Variants in CLBA1 observed in about 807,000 individuals in gnomAD.
CLBA1 encodes uncharacterized protein CLBA1.
Under a neutral mutation model 28.8 loss-of-function variants are expected in CLBA1, and 30 were observed. The ratio of observed to expected loss-of-function variants is 1.04; its 90% CI spans 0.78 to 1.41. The LOEUF (loss-of-function observed/expected upper bound fraction) is 1.41, where lower values mean the gene tolerates loss of function less well. CLBA1 is among the 40% of genes most tolerant of loss of function. The pLI, the probability that CLBA1 is intolerant of heterozygous loss-of-function variation, is 0.00. For synonymous variants in CLBA1, 160 were observed against 152.8 expected, an observed-to-expected ratio of 1.05 and a Z score of -0.35; for missense variants, 451 against 412.3, an observed-to-expected ratio of 1.09 and a Z score of -0.81.
rs1305635920 is a variant in CLBA1, at chr14:104,993,020, A to T, written c.772A>T (p.Ser258Cys). 6.2e-7 allele frequency: 1 copy of T among 1,614,140 alleles called. No individual in the cohort carries two copies. Among genetic ancestry groups the T allele is most frequent in the Admixed American group, 1.7e-5 (1 of 60,026 alleles). The change falls in exon 4 of 5, where the codon AGC (serine) becomes TGC (cysteine). Residue 258 changes from serine (S) to cysteine (C), a missense_variant. Ser to Cys is a moderately radical substitution (Grantham distance 112). Coordinates refer to ENST00000547315, the MANE Select transcript of CLBA1 (RefSeq NM_174891.4). ...AGAGCCTGAAGGACTCCTCACTGTCAGCAGCTTCTGTCTCCAGCATTGCAA... is the reference window on the plus strand; with the variant it reads ...AGAGCCTGAAGGACTCCTCACTGTCTGCAGCTTCTGTCTCCAGCATTGCAA... ...LKEPEGLLTV[S>C]SFCLQHCKAL...
At chr14:104,995,680 G>A (rs1477986495), downstream of CLBA1, among the ~76,000 whole-genome samples, 1 of 152,192 alleles carries the variant, frequency 6.6e-6, no homozygotes, top group African/African-American at 2.4e-5. Context: ...AGTGCGATGT[G>A]CACAGTGATG....
rs1201635753 is a variant in CLBA1, at chr14:104,989,107, A to T, written c.569+19A>T. The T allele has an allele frequency of 1.3e-6, 2 of 1,597,050 alleles. No homozygotes were observed. Among genetic ancestry groups the T allele is most frequent in the Admixed American group, 3.5e-5 (2 of 56,864 alleles). ...AATTGTGGTAATGAACTGAAGAAAT[A>T]TTTCTTACAGCAACTGCTTTTGTAC... On this transcript the variant is annotated intron_variant, in intron 2 of 4. Coordinates refer to ENST00000547315, the MANE Select transcript of CLBA1 (RefSeq NM_174891.4).
intron 1 of CLBA1, 81 bp from the exon 2 acceptor site, chr14:104,988,862 C>A: frequency 7.4e-7 from 1 of 1,352,508 alleles, no homozygotes; most frequent in Middle Eastern, 1.9e-4. Flanking sequence ...TCATTTCTAT[C>A]ACAATTATTT....
Position 104,986,296 on chromosome 14 carries a change from C to T in CLBA1, c.-136C>T. The T allele has an allele frequency of 4.4e-6, 4 of 905,686 alleles. No homozygotes were observed. In the South Asian group the frequency reaches 5.2e-5, roughly 12 times the overall value. 56.1% of individuals were successfully genotyped at this position (905,686 alleles called of 1,614,324 possible). A position where few individuals can be genotyped will look rare whatever the true frequency, so the allele number is the denominator to read the frequency against. ...TTTCCACCGTCAGCCACTGGGCAGC[C>T]CGGGGCACTCCTGCAGCGTCCCCTG... is the stretch of plus-strand genomic sequence containing the variant. On this transcript the variant is annotated 5_prime_UTR_variant, in exon 1 of 5. Coordinates refer to ENST00000547315, the MANE Select transcript of CLBA1 (RefSeq NM_174891.4).
At chr14:104,989,366 T>A (rs1219480098) in intron 2 of CLBA1, 1 of 442,600 alleles carries the variant, frequency 2.3e-6, no homozygotes, top group African/African-American at 2.0e-5. Flanking sequence ...GTGCCAGTGC[T>A]GGTGGAGTGG....
intron 1 of CLBA1, 26 bp from the exon 2 acceptor site, chr14:104,988,917 G>A (rs762582713): frequency 6.3e-7 from 1 of 1,575,360 alleles, no homozygotes; most frequent in Non-Finnish European, 8.6e-7. Context: ...CCTAACTTTG[G>A]TATGCTTTTC....
At chr14:104,994,155 CA>C in intron 4 of CLBA1, 1 of 985,462 alleles carries the variant, frequency 1.0e-6, no homozygotes, top group South Asian at 4.7e-5. Flanking sequence ...CCTAGAGCAG[CA>C]GCTGTAAAGA....
intron 4 of CLBA1, chr14:104,994,381 G>A (rs1231527310): frequency 1.0e-6 from 1 of 985,342 alleles, no homozygotes; most frequent in Admixed American, 6.1e-5. Context: ...GGGGCTGGCT[G>A]CAGGCCAGAG....
In CLBA1 at chr14:104,988,987, A is replaced by C. The variant is rs781742201; in HGVS notation, c.468A>C (p.Glu156Asp). 1.9e-6 allele frequency: 3 copies of C among 1,613,250 alleles called. No homozygotes were observed. In the South Asian group the frequency reaches 3.3e-5, roughly 18 times the overall value. ...ACATTTTAAAGTGTGCTTTTCAAGA[A>C]ATAACAGTCCAGCAGGCAGCTGAAG... Reference protein sequence around the residue: ...YENILKCAFQEITVQQAAEDV... With the variant: ...YENILKCAFQDITVQQAAEDV... Residue 156 changes from glutamate (E) to aspartate (D), a missense_variant, in exon 2 of 5, where the codon GAA becomes GAC. Coordinates refer to ENST00000547315, the MANE Select transcript of CLBA1 (RefSeq NM_174891.4).
In CLBA1 at chr14:104,994,599, T is replaced by C; in HGVS notation, c.818T>C (p.Leu273Pro). The change falls in exon 5 of 5, where the codon CTC becomes CCC. Residue 273 changes from leucine (L) to proline (P), a missense_variant and splice_region_variant. By Grantham distance (98) the Leu-to-Pro change is moderately conservative. Coordinates refer to ENST00000547315, the MANE Select transcript of CLBA1 (RefSeq NM_174891.4). Reference protein sequence around the residue: ...QHCKALIQTKLSGPPGSKQGR... With the variant: ...QHCKALIQTKPSGPPGSKQGR... ...CTGACTGCTGTCCTCTCATCTCAGC[T>C]CTCGGGGCCGCCTGGCAGCAAACAG... The C allele has an allele frequency of 4.4e-6, 7 of 1,605,986 alleles. No homozygotes were observed. The highest frequency in any genetic ancestry group is 5.1e-6 in the Non-Finnish European group (6 of 1,178,908).
downstream of CLBA1, among the ~76,000 whole-genome samples, chr14:104,998,131 G>A (rs896683103): frequency 1.3e-5 from 2 of 151,810 alleles, no homozygotes; most frequent in Non-Finnish European, 2.9e-5. Flanking sequence ...TACTAGGCCC[G>A]GTATGTGGTT....
chr14:104,992,345 G>A (rs1368191794), intron 3 of CLBA1, among the ~76,000 whole-genome samples: 4 of 152,224 alleles, frequency 2.6e-5, no homozygotes, highest in East Asian at 3.8e-4. Context: ...TCATAGGGAG[G>A]GCCGCCTTTT....
chr14:104,992,829 GA>G (rs1428068435), intron 3 of CLBA1, 118 bp from the exon 4 acceptor site: 1 of 858,964 alleles, frequency 1.2e-6, no homozygotes, highest in Non-Finnish European at 2.0e-6. Flanking sequence ...CTGACCTTGA[GA>G]GGGGCCTGAG....
intron 1 of CLBA1, among the ~76,000 whole-genome samples, chr14:104,988,459 C>T (rs1282544301): frequency 6.6e-6 from 1 of 151,974 alleles, no homozygotes; most frequent in Non-Finnish European, 1.5e-5. Flanking sequence ...CCTGCCTCAG[C>T]CTCCTAAGTA....
chr14:104,998,962 C>T (rs1900214524), downstream of CLBA1, among the ~76,000 whole-genome samples: 1 of 152,260 alleles, frequency 6.6e-6, no homozygotes, highest in Non-Finnish European at 1.5e-5. Flanking sequence ...GCTACTGCCG[C>T]TTCCCAGCTG....
chr14:104,998,629 A>G (rs2043190592), downstream of CLBA1, among the ~76,000 whole-genome samples: 1 of 152,220 alleles, frequency 6.6e-6, no homozygotes, highest in Admixed American at 6.5e-5. Context: ...GGTGCGGGAA[A>G]GCAGCTTCTC....
rs542393732 is a variant in CLBA1, at chr14:104,992,008, GCCA to G, written c.699+393_699+395del. Among the ~76,000 whole-genome samples, 348 of 88,504 alleles carry G rather than the reference GCCA, an allele frequency of 3.9e-3. 2 individuals are homozygous for G. Among genetic ancestry groups the G allele is most frequent in the South Asian group, 0.01 (26 of 2,516 alleles). 58.1% of individuals were successfully genotyped at this position (88,504 alleles called of 152,430 possible). ...ACACGCCGCCATGCACACACCTCAC[GCCA>G]CCACATGCCGCCATGCACACGCCGC... On this transcript the variant is annotated intron_variant, in intron 3 of 4. Transcript: ENST00000547315.
intron 4 of CLBA1, 80 bp from the exon 5 acceptor site, chr14:104,994,518 G>A: frequency 2.0e-6 from 3 of 1,501,000 alleles, no homozygotes; most frequent in Admixed American, 2.3e-5. Context: ...AGAGGCAGGG[G>A]GCGGCCAGGG....
intron 3 of CLBA1, 86 bp from the exon 4 acceptor site, chr14:104,992,862 G>T: frequency 8.9e-7 from 1 of 1,123,456 alleles, no homozygotes; most frequent in Non-Finnish European, 1.4e-6. Context: ...GTTTTAGCAT[G>T]AAATTAGTAG....
Sources: gnomAD v4.1 joint callset for allele counts (sites outside exome capture counted in the v4.1 genomes callset) on GRCh38, gnomAD v4.1.1 for gene constraint, MANE v1.5 for transcripts, NCBI Gene and HGNC (gene_info 2026-07-23, HGNC 2026-07-21) for gene names.